Variants in NCAM2 observed in about 807,000 individuals in gnomAD.
NCAM2 encodes the protein N-CAM-2.
A neutral mutation model predicts 98.1 loss-of-function variants in NCAM2; 30 were observed. That is an observed-to-expected ratio of 0.31 (90% confidence interval 0.23 to 0.41). The LOEUF (loss-of-function observed/expected upper bound fraction) is 0.41, where lower values mean the gene tolerates loss of function less well. NCAM2 is among the 10% of genes least tolerant of loss of function. The pLI, the probability that NCAM2 is intolerant of heterozygous loss-of-function variation, is 1.00. For synonymous variants in NCAM2, 368 were observed against 342.4 expected, an observed-to-expected ratio of 1.07 and a Z score of -0.83; for missense variants, 867 against 1,005.8, an observed-to-expected ratio of 0.86 and a Z score of 1.87.
At chr21:21,330,389 CT>C (rs2074639433) in intron 6 of NCAM2, among the ~76,000 whole-genome samples, 2 of 151,888 alleles carry the variant, frequency 1.3e-5, no homozygotes, top group Admixed American at 6.6e-5. Context: ...ATTTTTAATA[CT>C]ATTCATTTAG....
intron 12 of NCAM2, among the ~76,000 whole-genome samples, chr21:21,464,591 A>C (rs769343590): frequency 6.6e-6 from 1 of 152,156 alleles, no homozygotes; most frequent in Non-Finnish European, 1.5e-5. Flanking sequence ...AGAATGGAAC[A>C]AAAGGAAGCA....
chr21:21,206,127 G>A (rs1737390225), intron 1 of NCAM2, among the ~76,000 whole-genome samples: 1 of 152,148 alleles, frequency 6.6e-6, no homozygotes, highest in African/African-American at 2.4e-5. Context: ...ATTAGCAAAT[G>A]TTAATTAAGT....
At chr21:21,170,278 T>C (rs1295463100) in intron 1 of NCAM2, among the ~76,000 whole-genome samples, 5 of 152,206 alleles carry the variant, frequency 3.3e-5, no homozygotes, top group African/African-American at 7.2e-5. Flanking sequence ...ATTAAAAACT[T>C]GTGGCTGCAC....
intron 16 of NCAM2, among the ~76,000 whole-genome samples, chr21:21,521,565 A>G (rs1248735162): frequency 6.6e-6 from 1 of 152,172 alleles, no homozygotes; most frequent in African/African-American, 2.4e-5. Flanking sequence ...CAGATGTGCA[A>G]TGTATGCAAG....
At chr21:21,524,949 A>G (rs554112700) in intron 16 of NCAM2, among the ~76,000 whole-genome samples, 1 of 152,278 alleles carries the variant, frequency 6.6e-6, no homozygotes, top group East Asian at 1.9e-4. Flanking sequence ...AAATTTTTAA[A>G]TATTTTAAAC....
At chr21:21,454,458 A>G (rs927856743) in intron 12 of NCAM2, among the ~76,000 whole-genome samples, 2 of 152,038 alleles carry the variant, frequency 1.3e-5, no homozygotes, top group African/African-American at 4.8e-5. Context: ...TAACATCCCT[A>G]ACTTATGTAT....
At chr21:21,285,536 A>T (rs1316275084) in intron 3 of NCAM2, among the ~76,000 whole-genome samples, 1 of 151,970 alleles carries the variant, frequency 6.6e-6, no homozygotes, top group Admixed American at 6.6e-5. Flanking sequence ...TATAGATATA[A>T]TGTTTGGAAA....
Position 21,013,373 on chromosome 21 carries a change from C to G in NCAM2, c.55+14755C>G, listed in dbSNP as rs142432901. 8.7e-4 allele frequency among the ~76,000 whole-genome samples: 133 copies of G among 152,252 alleles called. 2 individuals carry two copies. The East Asian group carries it at 0.023, about 26-fold the overall frequency. On this transcript the variant is annotated intron_variant, in intron 1 of 17. Coordinates refer to ENST00000400546, the MANE Select transcript of NCAM2 (RefSeq NM_004540.5). ...AAACTAGCCACAATATTCTCTTAAA[C>G]CAAAGCGTAATCCAGAGAAAGGTCC...
intron 12 of NCAM2, among the ~76,000 whole-genome samples, chr21:21,460,010 T>G (rs1982731380): frequency 6.6e-6 from 1 of 151,950 alleles, no homozygotes; most frequent in African/African-American, 2.4e-5. Flanking sequence ...GAATTTATGG[T>G]GATTATTTCA....
intron 1 of NCAM2, among the ~76,000 whole-genome samples, chr21:21,002,446 G>A (rs908423197): frequency 2.0e-5 from 3 of 152,108 alleles, no homozygotes; most frequent in Non-Finnish European, 4.4e-5. Context: ...GGACTAGTTT[G>A]CAATGAAACT....
At chr21:21,266,550 G>T (rs2072283654) in intron 1 of NCAM2, among the ~76,000 whole-genome samples, 1 of 152,078 alleles carries the variant, frequency 6.6e-6, no homozygotes, top group South Asian at 2.1e-4. Context: ...CATAAAAAAG[G>T]ATGAGTGCGT....
chr21:21,075,730 A>G (rs996016702), intron 1 of NCAM2, among the ~76,000 whole-genome samples: 3 of 152,184 alleles, frequency 2.0e-5, no homozygotes, highest in African/African-American at 4.8e-5. Context: ...TTTATCAAGT[A>G]CATTTATTTC....
chr21:21,526,709 T>A (rs1472872005), intron 16 of NCAM2, among the ~76,000 whole-genome samples: 2 of 152,108 alleles, frequency 1.3e-5, no homozygotes, highest in Non-Finnish European at 2.9e-5. Context: ...ATTGACACTA[T>A]CCAACTTCAA....
At chr21:21,015,041 A>G (rs2064280702) in intron 1 of NCAM2, among the ~76,000 whole-genome samples, 1 of 152,228 alleles carries the variant, frequency 6.6e-6, no homozygotes, top group Non-Finnish European at 1.5e-5. Flanking sequence ...AAATTCTGCA[A>G]TCTCATGACA....
chr21:21,394,884 ATCT>A lies in NCAM2; in HGVS notation c.1196-15385_1196-15383del, dbSNP rs1474934850. Among the ~76,000 whole-genome samples, 4 of 152,166 alleles carry A rather than the reference ATCT, an allele frequency of 2.6e-5. 1 individual carries two copies. In the South Asian group the frequency reaches 6.2e-4, roughly 24 times the overall value. On this transcript the variant is annotated intron_variant, in intron 9 of 17. Transcript: ENST00000400546. ...TCAAACAAATGTGGGTGTATTTCTC[ATCT>A]TCTTTTAAATGGAGTGATGACATCT...
chr21:21,152,779 T>A (rs1383889798), intron 1 of NCAM2, among the ~76,000 whole-genome samples: 1 of 151,978 alleles, frequency 6.6e-6, no homozygotes, highest in East Asian at 1.9e-4. Context: ...CAGTAGTTGT[T>A]GTTTCCCTCT....
chr21:21,304,106 G>A (rs1262414549), intron 5 of NCAM2, among the ~76,000 whole-genome samples: 3 of 152,052 alleles, frequency 2.0e-5, no homozygotes, highest in African/African-American at 7.2e-5. Context: ...GGTGAAAGAT[G>A]TTGATGAGGT....
rs144409345 is a variant in NCAM2 at position 21,150,261 on chromosome 21, G to A, written c.56-130317G>A. ...ACTTATTCTTATAGTTTTTTAAAAT[G>A]TAATTTCTGTGAGTTGCTTACAAAT... is the stretch of plus-strand genomic sequence containing the variant. On this transcript the variant is annotated intron_variant, in intron 1 of 17. Coordinates refer to ENST00000400546, the MANE Select transcript of NCAM2 (RefSeq NM_004540.5). Among the ~76,000 whole-genome samples the A allele has an allele frequency of 9.3e-4, 142 of 152,184 alleles. 1 individual carries two copies. In the East Asian group the frequency reaches 0.026, roughly 27 times the overall value.
At chr21:21,496,236 A>G (rs1489543007) in intron 15 of NCAM2, among the ~76,000 whole-genome samples, 1 of 151,916 alleles carries the variant, frequency 6.6e-6, no homozygotes, top group East Asian at 1.9e-4. Flanking sequence ...TCCCATCAAC[A>G]ATGTATAAGC....
Sources: allele counts gnomAD v4.1 joint callset (sites outside exome capture counted in the v4.1 genomes callset), GRCh38; gene constraint gnomAD v4.1.1; transcripts MANE v1.5; gene names NCBI Gene and HGNC (gene_info 2026-07-23, HGNC 2026-07-21).